The following CSMD1 variants were observed in gnomAD, a reference collection of about 807,000 sequenced individuals.
CSMD1 encodes CUB and sushi domain-containing protein 1.
Under a neutral mutation model 417.5 loss-of-function variants are expected in CSMD1, and 213 were observed. The ratio of observed to expected loss-of-function variants is 0.51; its 90% confidence interval spans 0.46 to 0.57. The LOEUF (loss-of-function observed/expected upper bound fraction) is 0.57, where lower values mean the gene tolerates loss of function less well. CSMD1 is among the 20% of genes least tolerant of loss of function. The probability of loss-of-function intolerance (pLI) is 0.00; values close to 1 mark genes in which losing one functional copy is unlikely to be tolerated. For synonymous variants in CSMD1, 2,862 were observed against 1,736.8 expected (o/e 1.65, Z -16.11); for missense variants, 6,923 against 4,529.7 (o/e 1.53, Z -15.17).
intron 3 of CSMD1, among the ~76,000 whole-genome samples, chr8:4,320,700 T>A (rs897552187): frequency 6.6e-6 from 1 of 152,222 alleles, no homozygotes; most frequent in African/African-American, 2.4e-5. Context: ...TCCTTTTTTA[T>A]GGCTGCATAG....
At chr8:4,719,395 G>A (rs1341897657) in intron 1 of CSMD1, among the ~76,000 whole-genome samples, 3 of 151,748 alleles carry the variant, frequency 2.0e-5, no homozygotes, top group African/African-American at 7.3e-5. Flanking sequence ...CTCCCTTCCT[G>A]CCCTATAATT....
At chr8:3,605,905 T>A (rs1221163832) in intron 8 of CSMD1, among the ~76,000 whole-genome samples, 1 of 152,212 alleles carries the variant, frequency 6.6e-6, no homozygotes, top group Non-Finnish European at 1.5e-5. Context: ...AATGAGGTTA[T>A]GTCCATATAT....
intron 3 of CSMD1, among the ~76,000 whole-genome samples, chr8:4,410,719 G>T (rs1253124820): frequency 6.6e-6 from 1 of 152,154 alleles, no homozygotes; most frequent in Non-Finnish European, 1.5e-5. Context: ...AGAGAAGTAT[G>T]TACAGAAGAT....
chr8:4,332,279 T>C (rs1197170669), intron 3 of CSMD1, among the ~76,000 whole-genome samples: 1 of 152,140 alleles, frequency 6.6e-6, no homozygotes, highest in East Asian at 1.9e-4. Context: ...CAAAGGGCTG[T>C]GCTCCAAGCC....
chr8:3,308,255 G>T, intron 24 of CSMD1, 57 bp downstream of exon 24: 2 of 1,366,194 alleles, frequency 1.5e-6, no homozygotes, highest in East Asian at 4.7e-5. Flanking sequence ...ATGCAACATG[G>T]TGCAAGCACC....
At chr8:3,043,650 G>C (rs1811253270) in intron 50 of CSMD1, 1 of 152,000 alleles carries the variant, frequency 6.6e-6, no homozygotes, top group African/African-American at 2.4e-5. Flanking sequence ...ATTGTGATTA[G>C]AACTTAGGGG....
chr8:4,244,071 G>C (rs551065928), intron 3 of CSMD1, among the ~76,000 whole-genome samples: 1 of 152,316 alleles, frequency 6.6e-6, no homozygotes, highest in South Asian at 2.1e-4. Context: ...AGGTAGTCCT[G>C]TTGTGGACAG....
At chr8:4,837,163 C>G (rs1800543615) in intron 1 of CSMD1, among the ~76,000 whole-genome samples, 1 of 152,058 alleles carries the variant, frequency 6.6e-6, no homozygotes, top group African/African-American at 2.4e-5. Flanking sequence ...AAGACACTAA[C>G]ACATGCGGGT....
At chr8:3,759,934 C>T (rs556219982) in intron 5 of CSMD1, among the ~76,000 whole-genome samples, 2 of 146,108 alleles carry the variant, frequency 1.4e-5, no homozygotes, top group East Asian at 2.0e-4. Context: ...AAATGAGGAA[C>T]GGGGAAATAA....
chr8:3,575,213 T>G, intron 9 of CSMD1, 147 bp from the exon 10 acceptor site: 1 of 830,850 alleles, frequency 1.2e-6, no homozygotes, highest in Non-Finnish European at 1.8e-6. Flanking sequence ...AACTGGGGCA[T>G]GGACTCCAGT....
chr8:4,818,270 A>C (rs941154737), intron 1 of CSMD1, among the ~76,000 whole-genome samples: 1 of 152,150 alleles, frequency 6.6e-6, no homozygotes, highest in Non-Finnish European at 1.5e-5. Context: ...CTCGTAGGTC[A>C]CCCCGATTTA....
rs546994177 is a variant in CSMD1 at position 4,147,670 on chromosome 8, C to A, written c.416-115571G>T. On this transcript the variant is annotated intron_variant, in intron 3 of 69. Transcript: ENST00000635120. ...ACTCTGAGTGCTGGCTCATGGGAAC[C>A]CCATTCTTTGAAATATCTGACATCA... Among the ~76,000 whole-genome samples, 5 of 152,148 alleles carry A rather than the reference C, an allele frequency of 3.3e-5. No individual in the cohort carries two copies. The South Asian group carries it at 1.0e-3, about 32-fold the overall frequency.
intron 3 of CSMD1, among the ~76,000 whole-genome samples, chr8:4,268,371 A>G (rs1177995218): frequency 6.6e-6 from 1 of 152,178 alleles, no homozygotes; most frequent in African/African-American, 2.4e-5. Flanking sequence ...TTGGATCAAT[A>G]CACTTAGTTA....
intron 5 of CSMD1, among the ~76,000 whole-genome samples, chr8:3,854,996 C>T (rs1804193625): frequency 6.6e-6 from 1 of 152,044 alleles, no homozygotes; most frequent in South Asian, 2.1e-4. Context: ...CCCAGTAATC[C>T]ATACAGCCAT....
intron 25 of CSMD1, among the ~76,000 whole-genome samples, chr8:3,290,045 G>A (rs2117270656): frequency 6.8e-6 from 1 of 147,242 alleles, no homozygotes; most frequent in East Asian, 2.0e-4. Flanking sequence ...TTCTACATAT[G>A]GCTAGCCAGT....
chr8:4,812,544 T>G (rs1382058655), intron 1 of CSMD1, among the ~76,000 whole-genome samples: 1 of 152,128 alleles, frequency 6.6e-6, no homozygotes, highest in African/African-American at 2.4e-5. Context: ...CAACAAAATA[T>G]CACATATACC....
chr8:3,836,368 G>A (rs1487064428), intron 5 of CSMD1, among the ~76,000 whole-genome samples: 4 of 152,100 alleles, frequency 2.6e-5, no homozygotes, highest in East Asian at 1.9e-4. Flanking sequence ...ATCCTTGTGG[G>A]AATCCCAAGG....
chr8:4,361,630 C>CT (rs1563094011), intron 3 of CSMD1, among the ~76,000 whole-genome samples: 1 of 152,100 alleles, frequency 6.6e-6, no homozygotes, highest in African/African-American at 2.4e-5. Flanking sequence ...TTTGCTGTCC[C>CT]TTTTGTTTTG....
chr8:4,485,477 G>C (rs1044211766), intron 2 of CSMD1, among the ~76,000 whole-genome samples: 5 of 152,136 alleles, frequency 3.3e-5, no homozygotes, highest in African/African-American at 2.4e-5. Flanking sequence ...TGTCTGGGCT[G>C]GGCAGCAAGC....
Sources: allele counts gnomAD v4.1 joint callset (sites outside exome capture counted in the v4.1 genomes callset), GRCh38; gene constraint gnomAD v4.1.1; transcripts MANE v1.5; gene names NCBI Gene and HGNC (gene_info 2026-07-23, HGNC 2026-07-21).